WBP1L: variants seen among roughly 807,000 people sequenced by gnomAD.
The protein encoded by WBP1L is WW domain binding protein 1-like.
In WBP1L, 17 loss-of-function variants were observed where a neutral mutation model predicts 33.7. The observed-to-expected ratio is 0.50, with a 90% confidence interval of 0.34 to 0.76. The LOEUF (loss-of-function observed/expected upper bound fraction) is 0.76, where lower values mean the gene tolerates loss of function less well. Ranked by LOEUF, WBP1L falls within the 30% of genes least tolerant of loss-of-function variation. The pLI is 0.01. For synonymous variants in WBP1L, 173 were observed against 190.8 expected, an observed-to-expected ratio of 0.91 and a Z score of 0.77; for missense variants, 389 against 469.4, an observed-to-expected ratio of 0.83 and a Z score of 1.58.
At chr10:102,760,767 C>T (rs146924380) in intron 1 of WBP1L, among the ~76,000 whole-genome samples, 225 of 152,262 alleles carry the variant, frequency 1.5e-3, no homozygotes, top group African/African-American at 4.3e-3. Flanking sequence ...GAAGGCTCCC[C>T]GCTCGTTTGG....
chr10:102,769,485 T>G (rs1386493359), intron 1 of WBP1L, among the ~76,000 whole-genome samples: 3 of 152,056 alleles, frequency 2.0e-5, no homozygotes, highest in Non-Finnish European at 4.4e-5. Context: ...TTTGTTTCTG[T>G]GTAACTAACT....
Position 102,813,401 on chromosome 10 carries a change from T to G in WBP1L, c.*70T>G. On this transcript the variant is annotated 3_prime_UTR_variant, in exon 4 of 4. Transcript: ENST00000448841. ...TAGGGGAGAACCACGAGAGAAGCATTAAGTGACTTTCAAAGACTTTCAGAG... is the reference window on the plus strand; with the variant it reads ...TAGGGGAGAACCACGAGAGAAGCATGAAGTGACTTTCAAAGACTTTCAGAG... The G allele has an allele frequency of 1.3e-6, 2 of 1,509,680 alleles. No individual in the cohort carries two copies. Among genetic ancestry groups the G allele is most frequent in the South Asian group, 2.6e-5 (2 of 76,744 alleles). 93.5% of individuals were successfully genotyped at this position (1,509,680 alleles called of 1,614,324 possible).
Position 102,812,785 on chromosome 10 carries a change from G to C in WBP1L, c.546G>C (p.Leu182Phe), listed in dbSNP as rs1843864213. ...CCCAGGGGGCACAGAGCAGCCCCTT[G>C]TCTGAGCCCAGCAGAAGCAGCACAA... Reference protein sequence around the residue: ...RGSQGAQSSPLSEPSRSSTRP... With the variant: ...RGSQGAQSSPFSEPSRSSTRP... The change falls in exon 4 of 4, where the codon TTG (leucine) becomes TTC (phenylalanine). Residue 182 changes from leucine to phenylalanine, a missense_variant. Transcript: ENST00000448841. 1.2e-6 allele frequency: 2 copies of C among 1,608,630 alleles called. No homozygotes were observed.
At chr10:102,810,463 TTCCTTCCTTCCC>T (rs1241510460) in intron 3 of WBP1L, among the ~76,000 whole-genome samples, 6 of 83,300 alleles carry the variant, frequency 7.2e-5, no homozygotes, top group Non-Finnish European at 2.4e-5. Context: ...CTTCTTTTCC[TTCCTTCCTTCCC>T]TCCTTCCTTC....
intron 2 of WBP1L, among the ~76,000 whole-genome samples, chr10:102,801,459 A>G (rs1186512215): frequency 1.3e-5 from 2 of 152,214 alleles, no homozygotes; most frequent in Non-Finnish European, 2.9e-5. Flanking sequence ...AATTGTAACA[A>G]GTTCCTAGTT....
chr10:102,785,182 C>CTTT (rs35342758), intron 1 of WBP1L, among the ~76,000 whole-genome samples: 18 of 124,978 alleles, frequency 1.4e-4, no homozygotes, highest in African/African-American at 2.4e-4. Context: ...CACCAGCCCA[C>CTTT]TTTTTTTTTT....
intron 1 of WBP1L, 107 bp downstream of exon 1, chr10:102,744,250 G>A (rs1590161531): frequency 2.3e-6 from 3 of 1,313,420 alleles, no homozygotes; most frequent in Non-Finnish European, 3.0e-6. Context: ...GGTCCCGAGA[G>A]GGGCGTCTAT....
intron 1 of WBP1L, among the ~76,000 whole-genome samples, chr10:102,758,064 T>C (rs1221732841): frequency 6.6e-6 from 1 of 151,380 alleles, no homozygotes. Flanking sequence ...TTTGTATTTT[T>C]AGTAGAGACG....
chr10:102,774,953 A>T (rs1843237677), intron 1 of WBP1L, among the ~76,000 whole-genome samples: 1 of 151,786 alleles, frequency 6.6e-6, no homozygotes, highest in Admixed American at 6.6e-5. Context: ...ATCTCTACAC[A>T]AAAAAACAAA....
At chr10:102,754,117 A>G (rs967396402) in intron 1 of WBP1L, among the ~76,000 whole-genome samples, 1 of 152,208 alleles carries the variant, frequency 6.6e-6, no homozygotes, top group African/African-American at 2.4e-5. Flanking sequence ...CTCTCTTAGT[A>G]GTTCATTTGG....
chr10:102,790,818 C>T (rs777055912), intron 1 of WBP1L, among the ~76,000 whole-genome samples: 1 of 152,080 alleles, frequency 6.6e-6, no homozygotes, highest in Non-Finnish European at 1.5e-5. Flanking sequence ...GCCAACAGAA[C>T]TTTATGTGTA....
chr10:102,808,407 T>G (rs1313858660), intron 2 of WBP1L, among the ~76,000 whole-genome samples: 1 of 152,034 alleles, frequency 6.6e-6, no homozygotes, highest in African/African-American at 2.4e-5. Context: ...CATTTAAAAA[T>G]TGGAGAGGAG....
At chr10:102,801,319 C>G (rs968535456) in intron 2 of WBP1L, among the ~76,000 whole-genome samples, 5 of 152,174 alleles carry the variant, frequency 3.3e-5, no homozygotes, top group Admixed American at 2.6e-4. Flanking sequence ...TCAGCAAACC[C>G]TTATTCCAGT....
intron 2 of WBP1L, among the ~76,000 whole-genome samples, chr10:102,806,071 G>A (rs952826638): frequency 1.3e-5 from 2 of 151,618 alleles, no homozygotes; most frequent in African/African-American, 4.8e-5. Context: ...CAATTAGATG[G>A]GTGTAGTGGC....
chr10:102,792,292 G>A (rs1184727274), intron 1 of WBP1L, among the ~76,000 whole-genome samples: 1 of 152,216 alleles, frequency 6.6e-6, no homozygotes, highest in Non-Finnish European at 1.5e-5. Context: ...GAAAGGCCTC[G>A]CGTAAGCGCA....
chr10:102,797,772 C>G (rs541409362), intron 1 of WBP1L, among the ~76,000 whole-genome samples: 1 of 151,952 alleles, frequency 6.6e-6, no homozygotes, highest in Non-Finnish European at 1.5e-5. Context: ...AGGCTGGTCT[C>G]GAACTCCTGA....
At chr10:102,799,012 A>G (rs1220167090) in intron 2 of WBP1L, among the ~76,000 whole-genome samples, 2 of 152,176 alleles carry the variant, frequency 1.3e-5, no homozygotes, top group South Asian at 2.1e-4. Context: ...CAGTGTACCT[A>G]ACCTTTTACT....
intron 1 of WBP1L, 132 bp from the exon 2 acceptor site, chr10:102,797,861 T>C: frequency 1.2e-6 from 1 of 851,136 alleles, no homozygotes; most frequent in Non-Finnish European, 1.8e-6. Flanking sequence ...AAAGTTGATT[T>C]TCTTAATGGA....
At chr10:102,786,139 G>C (rs1843412299) in intron 1 of WBP1L, among the ~76,000 whole-genome samples, 1 of 152,236 alleles carries the variant, frequency 6.6e-6, no homozygotes, top group Non-Finnish European at 1.5e-5. Context: ...TGTAGTTGCA[G>C]TGCAGCTTTG....
Sources: allele counts gnomAD v4.1 joint callset (sites outside exome capture counted in the v4.1 genomes callset), GRCh38; gene constraint gnomAD v4.1.1; transcripts MANE v1.5; gene names NCBI Gene and HGNC (gene_info 2026-07-23, HGNC 2026-07-21).